UBE2G1: variants seen among roughly 807,000 people sequenced by gnomAD.
UBE2G1 encodes ubiquitin-conjugating enzyme E2 G1.
UBE2G1 carries 5 observed loss-of-function variants against 22.7 expected under a neutral mutation model. That is an observed-to-expected ratio of 0.22 (90% CI 0.12 to 0.46). UBE2G1 has a LOEUF of 0.46. Ranked by LOEUF, UBE2G1 falls within the 20% of genes least tolerant of loss-of-function variation. The pLI is 0.99. For missense variants in UBE2G1, 88 were observed against 203.9 expected (o/e 0.43, Z 3.46); for synonymous variants, 74 against 67.5 (o/e 1.10, Z -0.47).
At chr17:4,342,130 G>A (rs1216469412) in intron 1 of UBE2G1, among the ~76,000 whole-genome samples, 2 of 152,174 alleles carry the variant, frequency 1.3e-5, no homozygotes, top group Non-Finnish European at 1.5e-5. Context: ...AATATAGTAA[G>A]CTGCCTATGT....
chr17:4,302,787 G>T, intron 2 of UBE2G1: 1 of 179,060 alleles, frequency 5.6e-6, no homozygotes, highest in Non-Finnish European at 1.2e-5. Context: ...GTTTAGTCAT[G>T]AGAAAAAAAA....
At chr17:4,278,045 G>A (rs1197411365) in intron 5 of UBE2G1, among the ~76,000 whole-genome samples, 6 of 152,176 alleles carry the variant, frequency 3.9e-5, no homozygotes, top group African/African-American at 1.2e-4. Context: ...AATTACAGGC[G>A]CCTACCACTA....
chr17:4,361,044 G>A (rs929307670), intron 1 of UBE2G1, among the ~76,000 whole-genome samples: 7 of 151,994 alleles, frequency 4.6e-5, no homozygotes, highest in South Asian at 2.1e-4. Flanking sequence ...CCACCACGGC[G>A]AAACCCTGTC....
At chr17:4,303,323 C>T (rs1163210256) in intron 2 of UBE2G1, among the ~76,000 whole-genome samples, 3 of 151,964 alleles carry the variant, frequency 2.0e-5, no homozygotes, top group Non-Finnish European at 4.4e-5. Context: ...TTAGTAACTA[C>T]AAAGTGTCCT....
intron 1 of UBE2G1, among the ~76,000 whole-genome samples, chr17:4,361,264 C>T (rs1259635590): frequency 2.9e-4 from 43 of 147,680 alleles, no homozygotes; most frequent in African/African-American, 8.0e-4. Context: ...TGGTGGCTCA[C>T]GCCAGTAATC....
At chr17:4,318,948 G>C (rs1011322192) in intron 1 of UBE2G1, among the ~76,000 whole-genome samples, 1 of 152,104 alleles carries the variant, frequency 6.6e-6, no homozygotes, top group Admixed American at 6.5e-5. Context: ...TATTTTTAAA[G>C]AAGACCAGAA....
chr17:4,345,290 T>G (rs1969756137), intron 1 of UBE2G1, among the ~76,000 whole-genome samples: 1 of 152,212 alleles, frequency 6.6e-6, no homozygotes, highest in East Asian at 1.9e-4. Context: ...GGTAATCTAA[T>G]AAATAATCAA....
intron 4 of UBE2G1, 51 bp from the exon 5 acceptor site, chr17:4,282,972 T>C (rs963338317): frequency 1.5e-6 from 2 of 1,356,788 alleles, no homozygotes; most frequent in Non-Finnish European, 2.1e-6. Context: ...CTCCCCTTTA[T>C]AATCTCAAAT....
rs1175463009 is a variant in UBE2G1, at chr17:4,272,275, C to A, written c.*279G>T. Reference sequence around the variant, plus strand: ...GTACATGAACAGTATATATATTATCCGGATCATGTTGTGCTATGTACAGGT... The same window carrying A: ...GTACATGAACAGTATATATATTATCAGGATCATGTTGTGCTATGTACAGGT... On this transcript the variant is annotated 3_prime_UTR_variant, in exon 6 of 6. Coordinates refer to ENST00000396981, the MANE Select transcript of UBE2G1 (RefSeq NM_003342.5). 6.5e-6 allele frequency: 1 copy of A among 153,762 alleles called. No individual in the cohort carries two copies. The highest frequency in any genetic ancestry group is 6.5e-5 in the Admixed American group (1 of 15,310). 9.5% of individuals were successfully genotyped at this position (153,762 alleles called of 1,614,324 possible).
chr17:4,316,928 G>A (rs1188404545), intron 1 of UBE2G1, among the ~76,000 whole-genome samples: 1 of 88,890 alleles, frequency 1.1e-5, no homozygotes, highest in African/African-American at 3.9e-5. Context: ...GCAAGACCAT[G>A]TCTCTTGAAT....
At chr17:4,314,824 T>C (rs1302537267) in intron 1 of UBE2G1, among the ~76,000 whole-genome samples, 1 of 152,152 alleles carries the variant, frequency 6.6e-6, no homozygotes, top group African/African-American at 2.4e-5. Context: ...GAGAAACATG[T>C]TCAAGGACAT....
chr17:4,351,351 G>C (rs1434357985), intron 1 of UBE2G1, among the ~76,000 whole-genome samples: 1 of 152,162 alleles, frequency 6.6e-6, no homozygotes, highest in Non-Finnish European at 1.5e-5. Context: ...ATGCCATATG[G>C]CTTAGAGGCT....
intron 2 of UBE2G1, among the ~76,000 whole-genome samples, chr17:4,306,560 T>C (rs1969251253): frequency 6.6e-6 from 1 of 152,182 alleles, no homozygotes; most frequent in Non-Finnish European, 1.5e-5. Flanking sequence ...AACTCTTCCA[T>C]GATCAAATTC....
intron 1 of UBE2G1, among the ~76,000 whole-genome samples, chr17:4,309,540 A>T (rs776762121): frequency 2.4e-4 from 36 of 152,254 alleles, no homozygotes; most frequent in Non-Finnish European, 4.4e-4. Flanking sequence ...ACTGAGCGCC[A>T]ACTATGTTGC....
intron 4 of UBE2G1, among the ~76,000 whole-genome samples, chr17:4,283,635 C>T (rs370928761): frequency 1.6e-4 from 25 of 152,116 alleles, no homozygotes; most frequent in African/African-American, 5.8e-4. Context: ...TACTAAGTAC[C>T]ATTTCTACTG....
chr17:4,285,451 G>C (rs1049057241), intron 4 of UBE2G1, among the ~76,000 whole-genome samples: 1 of 152,032 alleles, frequency 6.6e-6, no homozygotes, highest in Admixed American at 6.6e-5. Flanking sequence ...AAGTATAAGG[G>C]AAAAATAAAA....
At chr17:4,358,480 G>T (rs1357158631) in intron 1 of UBE2G1, among the ~76,000 whole-genome samples, 3 of 151,244 alleles carry the variant, frequency 2.0e-5, no homozygotes, top group South Asian at 2.1e-4. Flanking sequence ...ACTGTTGAGG[G>T]TTCTTTAAAT....
intron 1 of UBE2G1, among the ~76,000 whole-genome samples, chr17:4,320,495 T>A (rs1969425231): frequency 6.6e-6 from 1 of 152,202 alleles, no homozygotes; most frequent in Non-Finnish European, 1.5e-5. Flanking sequence ...TATTACAACC[T>A]CAGATTTCAG....
Position 4,282,829 on chromosome 17 carries a change from T to C in UBE2G1, c.*6A>G, listed in dbSNP as rs1465881194. Reference sequence around the variant, plus strand: ...ATAAGTGAAGTTACTAGCTGCTAAATAAATGTCACTCAAAAGCAGTCTCTT... The same window carrying C: ...ATAAGTGAAGTTACTAGCTGCTAAACAAATGTCACTCAAAAGCAGTCTCTT... On this transcript the variant is annotated 3_prime_UTR_variant, in exon 5 of 6. Coordinates refer to ENST00000396981, the MANE Select transcript of UBE2G1 (RefSeq NM_003342.5). 6.2e-7 allele frequency: 1 copy of C among 1,608,518 alleles called. No homozygotes were observed. Among genetic ancestry groups the C allele is most frequent in the Non-Finnish European group, 8.5e-7 (1 of 1,177,862 alleles).
Sources: allele counts gnomAD v4.1 joint callset (sites outside exome capture counted in the v4.1 genomes callset), GRCh38; gene constraint gnomAD v4.1.1; transcripts MANE v1.5; gene names NCBI Gene and HGNC (gene_info 2026-07-23, HGNC 2026-07-21).